PLCB3: variants seen among roughly 807,000 people sequenced by gnomAD.
PLCB3 encodes 1-phosphatidylinositol 4,5-bisphosphate phosphodiesterase beta-3.
Under a neutral mutation model 152.1 loss-of-function variants are expected in PLCB3, and 54 were observed. The ratio of observed to expected loss-of-function variants is 0.36; its 90% CI spans 0.29 to 0.45. PLCB3 has a LOEUF of 0.45. PLCB3 is among the 20% of genes least tolerant of loss of function. The probability of loss-of-function intolerance (pLI) is 1.00; values close to 1 mark genes in which losing one functional copy is unlikely to be tolerated. For missense variants in PLCB3, 1,248 were observed against 1,687.5 expected (o/e 0.74, Z 4.56); for synonymous variants, 717 against 698.7 (o/e 1.03, Z -0.41).
Position 64,255,379 on chromosome 11 carries a change from T to G in PLCB3, c.468-17T>G, listed in dbSNP as rs752754240. 6.2e-7 allele frequency: 1 copy of G among 1,614,086 alleles called. No individual in the cohort carries two copies. Among genetic ancestry groups the G allele is most frequent in the Non-Finnish European group, 8.5e-7 (1 of 1,180,002 alleles). On this transcript the variant is annotated splice_polypyrimidine_tract_variant and intron_variant, in intron 5 of 30. Coordinates refer to ENST00000279230, the MANE Select transcript of PLCB3 (RefSeq NM_000932.5). The surrounding 1 kb of genome is among the most constrained non-coding windows in gnomAD (Gnocchi z 6.8). The stretch of plus-strand genomic sequence containing the variant: ...GTGGCCGTTTTCAGGGTGTGACCTC[T>G]TCATCTGCCTTCCCAGATACACGAA...
At position 64,258,682 on chromosome 11, in the gene PLCB3, G is replaced by A. The variant is rs145872781; in HGVS notation, c.1222G>A (p.Val408Ile). ...ETAFKTSPYP[V>I]ILSFENHVDS... ...TGCCTTCAAGACCTCGCCCTACCCC[G>A]TCATCCTCTCCTTCGAGAACCATGT... Residue 408 changes from valine (V) to isoleucine (I), a missense_variant, in exon 11 of 31, where the codon GTC becomes ATC. Val to Ile is a conservative substitution (Grantham distance 29). Coordinates refer to ENST00000279230, the MANE Select transcript of PLCB3 (RefSeq NM_000932.5). The surrounding 1 kb of genome is among the most constrained non-coding windows in gnomAD (Gnocchi z 7.2). 23 of 1,613,936 alleles carry A rather than the reference G, an allele frequency of 1.4e-5. No individual in the cohort carries two copies. The African/African-American group carries it at 1.5e-4, about 10-fold the overall frequency.
chr11:64,260,522 A>G (rs1056551787), intron 14 of PLCB3, among the ~76,000 whole-genome samples: 6 of 152,066 alleles, frequency 3.9e-5, no homozygotes, highest in Admixed American at 3.9e-4. Context: ...GGGGGACAGC[A>G]TGTACAAAGG....
intron 1 of PLCB3, among the ~76,000 whole-genome samples, chr11:64,253,404 C>T (rs1486446373): frequency 6.6e-6 from 1 of 152,142 alleles, no homozygotes. Flanking sequence ...TTTGTGTGCT[C>T]GAAGATGCTA....
downstream of PLCB3, among the ~76,000 whole-genome samples, chr11:64,268,139 A>G (rs970949244): frequency 2.0e-5 from 3 of 151,904 alleles, no homozygotes; most frequent in Non-Finnish European, 2.9e-5. Flanking sequence ...CCCCATCCCC[A>G]TGACTTTCGT....
chr11:64,267,390 G>A lies in PLCB3; in HGVS notation c.3539G>A (p.Arg1180Gln), dbSNP rs774726938. 3.7e-5 allele frequency: 57 copies of A among 1,542,938 alleles called. No individual in the cohort carries two copies. Among genetic ancestry groups the A allele is most frequent in the Admixed American group, 7.8e-5 (4 of 51,164 alleles). The change falls in exon 31 of 31, where the codon CGG becomes CAG. Residue 1180 changes from arginine (R) to glutamine (Q), a missense_variant. Arg to Gln is a conservative substitution (Grantham distance 43). This residue lies in a region of PLCB3 where 477 missense variants were observed against 489.6 expected (regional missense o/e 0.97). Coordinates refer to ENST00000279230, the MANE Select transcript of PLCB3 (RefSeq NM_000932.5). This position sits in a 1 kb window ranked among gnomAD's most constrained non-coding sequence, Gnocchi z 5.2. Reference sequence around the variant, plus strand: ...CTGGCCCAGGAGTGTCAGGAGCAGCGGGCGAGGCTCCCCCAGGAGATCCGC... The same window carrying A: ...CTGGCCCAGGAGTGTCAGGAGCAGCAGGCGAGGCTCCCCCAGGAGATCCGC... ...AQLAQECQEQ[R>Q]ARLPQEIRRS...
intron 10 of PLCB3, 101 bp downstream of exon 10, chr11:64,256,865 C>A: frequency 7.6e-7 from 1 of 1,312,276 alleles, no homozygotes; most frequent in Non-Finnish European, 1.1e-6. Context: ...TTTGCTCATT[C>A]ATTGGCCAGT....
In PLCB3 at chr11:64,255,607, A is replaced by G; in HGVS notation, c.588A>G (p.Lys196=). Residue 196 remains lysine (K), a synonymous_variant, in exon 7 of 31, where the codon AAA becomes AAG. Transcript: ENST00000279230. The surrounding 1 kb of genome is among the most constrained non-coding windows in gnomAD (Gnocchi z 6.8). Reference sequence around the variant, plus strand: ...CTGCGCTGGAATCCTGTGGCCTCAAATTCAACCGGGTGTGTGGGGTGGGGA... The same window carrying G: ...CTGCGCTGGAATCCTGTGGCCTCAAGTTCAACCGGGTGTGTGGGGTGGGGA... The part of the protein sequence containing the change: ...VETALESCGL[K]FNRSESIRPD... 2.0e-6 allele frequency: 2 copies of G among 1,000,508 alleles called. No individual in the cohort carries two copies. The highest frequency in any genetic ancestry group is 2.9e-6 in the Non-Finnish European group (2 of 684,140). The allele number at this position is 1,000,508 out of a possible 1,614,324, so 62.0% of individuals were successfully genotyped here.
chr11:64,262,228 C>A, intron 17 of PLCB3, 152 bp downstream of exon 17: 2 of 1,327,770 alleles, frequency 1.5e-6, no homozygotes, highest in South Asian at 1.2e-5. Context: ...GCCTCCTGCC[C>A]TTGGCTGATA....
chr11:64,260,054 A>C lies in PLCB3; in HGVS notation c.1551A>C (p.Pro517=), dbSNP rs1482452771. 1 of 1,611,276 alleles carries C rather than the reference A, an allele frequency of 6.2e-7. No individual in the cohort carries two copies. Among genetic ancestry groups the C allele is most frequent in the Non-Finnish European group, 8.5e-7 (1 of 1,179,258 alleles). The change falls in exon 14 of 31, where the codon CCA becomes CCC. Residue 517 remains proline, a synonymous_variant. Coordinates refer to ENST00000279230, the MANE Select transcript of PLCB3 (RefSeq NM_000932.5). ...QLGSPSSDSC[P]GLSNGEEVGL... is the part of the protein sequence containing the mutation. ...GGTCTCCCAGCTCTGACAGCTGCCC[A>C]GGCCTGAGCAATGGGGAGGAGGTAG...
intron 8 of PLCB3, among the ~76,000 whole-genome samples, 184 bp downstream of exon 8, chr11:64,256,005 C>T (rs1423636857): frequency 6.6e-6 from 1 of 152,138 alleles, no homozygotes; most frequent in Admixed American, 6.5e-5. Flanking sequence ...GTTTCTGCCC[C>T]TCAGTTACAG....
rs375892221 is a variant in PLCB3 at position 64,266,582 on chromosome 11, C to T, written c.3414+30C>T. 6.2e-7 allele frequency: 1 copy of T among 1,607,702 alleles called. No individual in the cohort carries two copies. Among genetic ancestry groups the T allele is most frequent in the East Asian group, 2.2e-5 (1 of 44,844 alleles). On this transcript the variant is annotated intron_variant, in intron 29 of 30. Transcript: ENST00000279230. This position sits in a 1 kb window ranked among gnomAD's most constrained non-coding sequence, Gnocchi z 4.9. ...GTCAGGCTCCCGGGCCACCCTACCC[C>T]ACCTCCCTTCCTTCACTCATCAGAC...
In PLCB3 at chr11:64,255,116, T is replaced by C; in HGVS notation, c.387+78T>C. On this transcript the variant is annotated intron_variant, in intron 4 of 30. Transcript: ENST00000279230. The surrounding 1 kb of genome is among the most constrained non-coding windows in gnomAD (Gnocchi z 6.8). ...CGGCCGTCACTTACCGAACACCTGC[T>C]GTGTTCTAGGCTGCTCTGTGACCTA... The C allele has an allele frequency of 6.5e-7, 1 of 1,533,382 alleles. No individual in the cohort carries two copies. The highest frequency in any genetic ancestry group is 9.0e-7 in the Non-Finnish European group (1 of 1,109,686). 95.0% of individuals were successfully genotyped at this position (1,533,382 alleles called of 1,614,324 possible).
chr11:64,252,869 C>T (rs2031306183), intron 1 of PLCB3, among the ~76,000 whole-genome samples: 1 of 152,098 alleles, frequency 6.6e-6, no homozygotes, highest in Non-Finnish European at 1.5e-5. Context: ...CCTGGGCTGC[C>T]TTTGAGGTCC....
At chr11:64,256,789 C>T (rs1591103400) in intron 10 of PLCB3, 25 bp downstream of exon 10, 1 of 1,610,570 alleles carries the variant, frequency 6.2e-7, no homozygotes, top group Admixed American at 1.7e-5. Flanking sequence ...AGGGTGGCAC[C>T]CGTGACCTCT....
rs2031716187 is a variant in PLCB3, at chr11:64,259,249, GC to G, written c.1525+9del. On this transcript the variant is annotated splice_donor_region_variant and intron_variant, in intron 13 of 30. Coordinates refer to ENST00000279230, the MANE Select transcript of PLCB3 (RefSeq NM_000932.5). ...AGCCCTCCTCCCCGCAGCTGGGTAG[GC>G]CCCAGCCCGGCCCGCCACCCTGACT... is the stretch of plus-strand genomic sequence containing the variant. 1.3e-6 allele frequency: 2 copies of G among 1,509,182 alleles called. No homozygotes were observed. The highest frequency in any genetic ancestry group is 1.2e-5 in the South Asian group (1 of 81,630). The allele number at this position is 1,509,182 out of a possible 1,614,324, so 93.5% of individuals were successfully genotyped here. A position where few individuals can be genotyped will look rare whatever the true frequency, so the allele number is the denominator to read the frequency against.
rs778035486 is a variant in PLCB3 at position 64,265,439 on chromosome 11, G to T, written c.2972G>T (p.Arg991Leu). 1 of 1,610,702 alleles carries T rather than the reference G, an allele frequency of 6.2e-7. No individual in the cohort carries two copies. Among genetic ancestry groups the T allele is most frequent in the South Asian group, 1.1e-5 (1 of 91,066 alleles). ...HQRKAVTLTR[R>L]LLDGLAQAQA... is the part of the protein sequence containing the mutation. Reference sequence around the variant, plus strand: ...CGGAAGGCAGTCACCCTCACCCGCCGCCTGCTGGATGGCCTGGCTCAGGCA... The same window carrying T: ...CGGAAGGCAGTCACCCTCACCCGCCTCCTGCTGGATGGCCTGGCTCAGGCA... Residue 991 changes from arginine to leucine, a missense_variant, in exon 25 of 31, where the codon CGC (arginine) becomes CTC (leucine). Coordinates refer to ENST00000279230, the MANE Select transcript of PLCB3 (RefSeq NM_000932.5).
At chr11:64,263,908 T>C in intron 21 of PLCB3, 113 bp downstream of exon 21, 2 of 1,183,642 alleles carry the variant, frequency 1.7e-6, no homozygotes, top group East Asian at 2.3e-5. Context: ...GGGAACTGAG[T>C]AGGGAACAGA....
intron 1 of PLCB3, among the ~76,000 whole-genome samples, chr11:64,252,737 G>C (rs925684497): frequency 6.6e-6 from 1 of 152,176 alleles, no homozygotes; most frequent in African/African-American, 2.4e-5. Flanking sequence ...CTGGCCTGAA[G>C]GGAAAAGTTT....
Position 64,255,225 on chromosome 11 carries a change from GC to G in PLCB3, c.388-3del, listed in dbSNP as rs1451900028. On this transcript the variant is annotated splice_polypyrimidine_tract_variant and splice_region_variant and intron_variant, in intron 4 of 30. Coordinates refer to ENST00000279230, the MANE Select transcript of PLCB3 (RefSeq NM_000932.5). The surrounding 1 kb of genome is among the most constrained non-coding windows in gnomAD (Gnocchi z 6.8). ...ACTCACCGCCTCCCCGTGTATACTGGCCCCCCAGGTCTGGTCTGAGGAGCTA... is the reference window on the plus strand; with the variant it reads ...ACTCACCGCCTCCCCGTGTATACTGGCCCCCAGGTCTGGTCTGAGGAGCTA... 24 of 1,610,782 alleles carry G rather than the reference GC, an allele frequency of 1.5e-5. No homozygotes were observed. Among genetic ancestry groups the G allele is most frequent in the Non-Finnish European group, 2.0e-5 (24 of 1,177,780 alleles).
Sources: gnomAD v4.1 joint callset for allele counts (sites outside exome capture counted in the v4.1 genomes callset) on GRCh38, gnomAD v4.1.1 for gene constraint, gnomAD v4.1.1 regional missense constraint, Gnocchi (gnomAD v3.1) non-coding constraint, MANE v1.5 for transcripts, NCBI Gene and HGNC (gene_info 2026-07-23, HGNC 2026-07-21) for gene names.